Variants in GOLGB1 observed in about 807,000 individuals in gnomAD.
GOLGB1 encodes golgin B1, also known as golgin subfamily B member 1.
A neutral mutation model predicts 336.9 loss-of-function variants in GOLGB1; 174 were observed. That is an observed-to-expected ratio of 0.52 (90% CI 0.46 to 0.59). The LOEUF (loss-of-function observed/expected upper bound fraction) is 0.59, where lower values mean the gene tolerates loss of function less well. Ranked by LOEUF, GOLGB1 falls within the 20% of genes least tolerant of loss-of-function variation. GOLGB1 has a pLI of 0.00. For synonymous variants in GOLGB1, 1,208 were observed against 1,289.2 expected (o/e 0.94, Z 1.35); for missense variants, 3,331 against 3,645.3 (o/e 0.91, Z 2.22).
In GOLGB1 at chr3:121,692,061, C is replaced by T; in HGVS notation, c.7303G>A (p.Glu2435Lys). The T allele has an allele frequency of 6.2e-7, 1 of 1,612,274 alleles. No homozygotes were observed. The highest frequency in any genetic ancestry group is 8.5e-7 in the Non-Finnish European group (1 of 1,179,574). Residue 2435 changes from glutamate to lysine, a missense_variant, in exon 14 of 22, where the codon GAG becomes AAG. By Grantham distance (56) the Glu-to-Lys change is moderately conservative. Coordinates refer to ENST00000614479, the MANE Select transcript of GOLGB1 (RefSeq NM_001366282.2). Reference sequence around the variant, plus strand: ...GTTTTATCAACAGCCTTTTTGTTCTCCTCTTCTAAAACAATATTCTCCTCT... The same window carrying T: ...GTTTTATCAACAGCCTTTTTGTTCTTCTCTTCTAAAACAATATTCTCCTCT... ...EEEENIVLEE[E>K]NKKAVDKTNQ...
chr3:121,706,399 G>T (rs1943824046), intron 10 of GOLGB1, among the ~76,000 whole-genome samples: 1 of 148,416 alleles, frequency 6.7e-6, no homozygotes, highest in South Asian at 2.2e-4. Context: ...CTAAAAGCAA[G>T]CAGGAAAAAA....
chr3:121,669,355 A>G lies in GOLGB1; in HGVS notation c.9178T>C (p.Phe3060Leu). 1 of 1,613,492 alleles carries G rather than the reference A, an allele frequency of 6.2e-7. No individual in the cohort carries two copies. Among genetic ancestry groups the G allele is most frequent in the Non-Finnish European group, 8.5e-7 (1 of 1,179,448 alleles). The change falls in exon 18 of 22, where the codon TTC becomes CTC. Residue 3060 changes from phenylalanine (F) to leucine (L), a missense_variant and splice_region_variant. By Grantham distance (22) the Phe-to-Leu change is conservative (BLOSUM62 0). Transcript: ENST00000614479. ...ELRIQQLNSN[F>L]SQLLEEKNTL... ...TTTTTCTCTTCCAGTAGCTGAGAGA[A>G]CTGAAACAGAGGCGAGGATAAGCAT...
chr3:121,671,485 C>T (rs762208007), intron 17 of GOLGB1, among the ~76,000 whole-genome samples: 19 of 152,082 alleles, frequency 1.2e-4, no homozygotes, highest in African/African-American at 9.7e-5. Context: ...TATACACAAC[C>T]TCCCAGATAC....
In GOLGB1 at chr3:121,664,555, T is replaced by C. The variant is rs1233990881; in HGVS notation, c.9720A>G (p.Arg3240=). 6.2e-7 allele frequency: 1 copy of C among 1,613,598 alleles called. No individual in the cohort carries two copies. The highest frequency in any genetic ancestry group is 1.7e-5 in the Admixed American group (1 of 60,018). ...AGTAGATGGCTGCTAGAAGTGGCAC[T>C]CGGGTCCGTGAATGACAGAGTGAAC... ...VLRSLCHSRT[R]VPLLAAIYFL... The change falls in exon 22 of 22, where the codon CGA becomes CGG. Residue 3240 remains arginine, a synonymous_variant. Coordinates refer to ENST00000614479, the MANE Select transcript of GOLGB1 (RefSeq NM_001366282.2).
At chr3:121,664,804 C>T (rs896048978) in intron 21 of GOLGB1, 122 bp downstream of exon 21, 3 of 798,248 alleles carry the variant, frequency 3.8e-6, no homozygotes, top group Admixed American at 4.4e-5. Flanking sequence ...CCCTTCCAGC[C>T]TTAGACTCAT....
At chr3:121,723,700 G>C (rs971223483) in intron 5 of GOLGB1, among the ~76,000 whole-genome samples, 1 of 152,078 alleles carries the variant, frequency 6.6e-6, no homozygotes, top group African/African-American at 2.4e-5. Flanking sequence ...GGACAGTGCT[G>C]GCATAAACCA....
intron 9 of GOLGB1, among the ~76,000 whole-genome samples, chr3:121,716,199 A>AT (rs1345224649): frequency 6.6e-6 from 1 of 152,178 alleles, no homozygotes; most frequent in Non-Finnish European, 1.5e-5. Flanking sequence ...AAAATGTTCA[A>AT]TTTTTTATAG....
chr3:121,733,920 A>C (rs1043977211), intron 1 of GOLGB1, among the ~76,000 whole-genome samples: 1 of 152,208 alleles, frequency 6.6e-6, no homozygotes, highest in Non-Finnish European at 1.5e-5. Context: ...CAGAGACCTA[A>C]ACTTAAATTG....
chr3:121,712,421 A>G (rs996811238), intron 10 of GOLGB1, among the ~76,000 whole-genome samples: 2 of 152,008 alleles, frequency 1.3e-5, no homozygotes, highest in Non-Finnish European at 2.9e-5. Context: ...GACAGGACAC[A>G]GAAAAAAAAA....
chr3:121,703,767 G>A (rs1943590235), intron 10 of GOLGB1, among the ~76,000 whole-genome samples: 1 of 151,946 alleles, frequency 6.6e-6, no homozygotes. Flanking sequence ...TAAAGAAATA[G>A]GAAAGAGTGA....
chr3:121,695,969 A>T lies in GOLGB1; in HGVS notation c.4554T>A (p.Ile1518=). ...CTGCCAGAGACTTGGTGAGACGTTC[A>T]ATGGTACCTCTGGCCAAAGACAATT... ...QEELSLARGT[I]ERLTKSLADV... The change falls in exon 13 of 22, where the codon ATT becomes ATA. Residue 1518 remains isoleucine, a synonymous_variant. Transcript: ENST00000614479. The T allele has an allele frequency of 6.2e-7, 1 of 1,614,038 alleles. No homozygotes were observed. Among genetic ancestry groups the T allele is most frequent in the South Asian group, 1.1e-5 (1 of 91,086 alleles).
Position 121,691,571 on chromosome 3 carries a change from AG to A in GOLGB1, c.7792del (p.Leu2598TyrfsTer15). ...NEDLRRSFNA[L>X]QEEKQDLSKE... ...AGATAAATCTTGTTTCTCTTCTTGT[AG>A]GGCATTAAAGGACCTCCGCAGATCC... On this transcript the variant is annotated frameshift_variant, in exon 14 of 22. Coordinates refer to ENST00000614479, the MANE Select transcript of GOLGB1 (RefSeq NM_001366282.2). LOFTEE classifies it high-confidence loss of function. 1 of 1,613,538 alleles carries A rather than the reference AG, an allele frequency of 6.2e-7. No individual in the cohort carries two copies. The highest frequency in any genetic ancestry group is 8.5e-7 in the Non-Finnish European group (1 of 1,179,858).
chr3:121,741,822 G>A (rs1288434661), intron 1 of GOLGB1, among the ~76,000 whole-genome samples: 1 of 151,952 alleles, frequency 6.6e-6, no homozygotes, highest in Non-Finnish European at 1.5e-5. Context: ...GCCTAGATTG[G>A]GGTCTTGAAA....
chr3:121,673,957 G>C (rs551712108), intron 17 of GOLGB1, among the ~76,000 whole-genome samples: 7 of 152,320 alleles, frequency 4.6e-5, no homozygotes, highest in African/African-American at 7.2e-5. Context: ...CTGGCCTCAA[G>C]TGATCCACTC....
chr3:121,722,806 C>A (rs1470453500), intron 5 of GOLGB1, among the ~76,000 whole-genome samples: 1 of 152,150 alleles, frequency 6.6e-6, no homozygotes, highest in Non-Finnish European at 1.5e-5. Context: ...GAGAAAGGGA[C>A]AGCCCTAAAC....
Position 121,694,174 on chromosome 3 carries a change from C to T in GOLGB1, c.6349G>A (p.Val2117Ile), listed in dbSNP as rs1302153644. ...TCCTTTTGTTTCATCTGGCTTTTAA[C>T]TGATTCTTTATTTGACTGAAGTTCC... ...KKELQSNKESVKSQMKQKDED... is the reference protein window; with the variant it reads ...KKELQSNKESIKSQMKQKDED... The change falls in exon 13 of 22, where the codon GTT (valine) becomes ATT (isoleucine). Residue 2117 changes from valine (V) to isoleucine (I), a missense_variant. Val to Ile is a conservative substitution (Grantham distance 29, BLOSUM62 3). Transcript: ENST00000614479. 4 of 1,613,504 alleles carry T rather than the reference C, an allele frequency of 2.5e-6. No individual in the cohort carries two copies. In the South Asian group the frequency reaches 3.3e-5, roughly 13 times the overall value.
Position 121,698,364 on chromosome 3 carries a change from G to C in GOLGB1, c.2159C>G (p.Ala720Gly). 3 of 1,613,594 alleles carry C rather than the reference G, an allele frequency of 1.9e-6. No individual in the cohort carries two copies. The highest frequency in any genetic ancestry group is 2.5e-6 in the Non-Finnish European group (3 of 1,179,772). Reference protein sequence around the residue: ...EIYEKNLDEKAKEISNLNQLI... With the variant: ...EIYEKNLDEKGKEISNLNQLI... ...CTGGTTTAGGTTGCTAATTTCCTTA[G>C]CTTTCTCATCTAAATTTTTCTCATA... The change falls in exon 13 of 22, where the codon GCT (alanine) becomes GGT (glycine). Residue 720 changes from alanine (A) to glycine (G), a missense_variant. Coordinates refer to ENST00000614479, the MANE Select transcript of GOLGB1 (RefSeq NM_001366282.2).
intron 17 of GOLGB1, among the ~76,000 whole-genome samples, chr3:121,671,091 C>T (rs62268734): frequency 0.11 from 16,575 of 152,184 alleles, 1,052 homozygotes; most frequent in Non-Finnish European, 0.15. Context: ...GTTTGTGTTA[C>T]AACTGCAAAG....
intron 5 of GOLGB1, 146 bp from the exon 6 acceptor site, chr3:121,722,524 T>C (rs998552076): frequency 2.4e-5 from 14 of 578,862 alleles, no homozygotes; most frequent in Non-Finnish European, 4.3e-5. Flanking sequence ...GGAAATTGCA[T>C]GCATTATCAA....
Sources: gnomAD v4.1 joint callset for allele counts (sites outside exome capture counted in the v4.1 genomes callset) on GRCh38, gnomAD v4.1.1 for gene constraint, MANE v1.5 for transcripts, NCBI Gene and HGNC (gene_info 2026-07-23, HGNC 2026-07-21) for gene names.